The following SHCBP1L variants were observed in gnomAD, a reference collection of about 807,000 sequenced individuals.
The protein encoded by SHCBP1L is testicular spindle-associated protein SHCBP1L.
In SHCBP1L, 67 loss-of-function variants were observed where a neutral mutation model predicts 62.5. The ratio of observed to expected loss-of-function variants is 1.07; its 90% confidence interval spans 0.88 to 1.31. SHCBP1L has a LOEUF of 1.31. Among genes scored for constraint, SHCBP1L ranks in the 40% most tolerant of loss-of-function variants. SHCBP1L has a pLI of 0.00. For missense variants in SHCBP1L, 823 were observed against 809.8 expected (o/e 1.02, Z -0.20); for synonymous variants, 284 against 289.4 (o/e 0.98, Z 0.19).
At chr1:182,906,634 G>A (rs1650022825) in intron 6 of SHCBP1L, among the ~76,000 whole-genome samples, 1 of 151,492 alleles carries the variant, frequency 6.6e-6, no homozygotes, top group African/African-American at 2.4e-5. Flanking sequence ...GTTTCGCCAT[G>A]TTAGCCAGGT....
At chr1:182,903,214 C>T (rs1571333982) in intron 8 of SHCBP1L, 53 bp from the exon 9 acceptor site, 2 of 1,399,600 alleles carry the variant, frequency 1.4e-6, no homozygotes, top group East Asian at 5.1e-5. Flanking sequence ...ACAAACCTCT[C>T]TCCAAAATCT....
rs1304792708 is a variant in SHCBP1L, at chr1:182,924,748, GAA to G, written c.1182+4897_1182+4898del. Among the ~76,000 whole-genome samples, 3 of 81,120 alleles carry G rather than the reference GAA, an allele frequency of 3.7e-5. No homozygotes were observed. In the East Asian group the frequency reaches 1.1e-3, roughly 29 times the overall value. 53.2% of individuals were successfully genotyped at this position (81,120 alleles called of 152,430 possible). A position where few individuals can be genotyped will look rare whatever the true frequency, so the allele number is the denominator to read the frequency against. ...AGAAAGAAAGAAAGAAAGAAAGAAA[GAA>G]AGAAAGAAAGAAAGAAAGAAAGAAA... On this transcript the variant is annotated intron_variant, in intron 6 of 9. Coordinates refer to ENST00000367547, the MANE Select transcript of SHCBP1L (RefSeq NM_030933.4).
chr1:182,952,227 T>TAC (rs1558007624), intron 1 of SHCBP1L, among the ~76,000 whole-genome samples: 8 of 61,938 alleles, frequency 1.3e-4, no homozygotes, highest in African/African-American at 6.4e-4. Flanking sequence ...TATATATATA[T>TAC]ATATATATAC....
chr1:182,935,846 G>A (rs1296070818), intron 5 of SHCBP1L, among the ~76,000 whole-genome samples: 1 of 152,110 alleles, frequency 6.6e-6, no homozygotes, highest in Non-Finnish European at 1.5e-5. Context: ...TAATTAGCAT[G>A]AGCATGAAAT....
At chr1:182,947,491 C>G (rs549238342) in intron 2 of SHCBP1L, among the ~76,000 whole-genome samples, 1 of 152,164 alleles carries the variant, frequency 6.6e-6, no homozygotes, top group East Asian at 1.9e-4. Flanking sequence ...TAAGGATATG[C>G]TAGATTTCCT....
Position 182,904,303 on chromosome 1 carries a change from G to A in SHCBP1L, c.1464C>T (p.Ile488=), listed in dbSNP as rs749194448. 32 of 1,613,860 alleles carry A rather than the reference G, an allele frequency of 2.0e-5. No homozygotes were observed. In the South Asian group the frequency reaches 2.9e-4, roughly 14 times the overall value. The stretch of plus-strand genomic sequence containing the variant: ...TCATGTGACCAGACTCCACCACCAC[G>A]ATACCATCAACCGTCCCTTGTTGTA... ...SLIQQGTVDG[I]VVVESGHMTL... Residue 488 remains isoleucine (I), a synonymous_variant, in exon 8 of 10, where the codon ATC becomes ATT. Coordinates refer to ENST00000367547, the MANE Select transcript of SHCBP1L (RefSeq NM_030933.4).
intron 2 of SHCBP1L, among the ~76,000 whole-genome samples, chr1:182,948,153 G>A (rs189101641): frequency 6.6e-6 from 1 of 152,308 alleles, no homozygotes; most frequent in East Asian, 1.9e-4. Context: ...GTTATACACG[G>A]ATTTTTGACT....
chr1:182,946,608 G>T (rs1392444447), intron 2 of SHCBP1L, among the ~76,000 whole-genome samples: 1 of 151,874 alleles, frequency 6.6e-6, no homozygotes, highest in Non-Finnish European at 1.5e-5. Flanking sequence ...CCTCAATTTG[G>T]CTTCTTAAAT....
At chr1:182,907,436 A>AC (rs1277991158) in intron 6 of SHCBP1L, among the ~76,000 whole-genome samples, 1 of 150,702 alleles carries the variant, frequency 6.6e-6, no homozygotes, top group Non-Finnish European at 1.5e-5. Context: ...TGTCTCAAAA[A>AC]AAAAAAAAAA....
At position 182,936,834 on chromosome 1, in the gene SHCBP1L, A is replaced by T. The variant is rs546205738; in HGVS notation, c.1076+2342T>A. On this transcript the variant is annotated intron_variant, in intron 5 of 9. Transcript: ENST00000367547. ...GAGGTCGAGGTGGGAGGATCACTTG[A>T]GCCCAGGAGTTTGAGATCAGCAAGG... Among the ~76,000 whole-genome samples, 129 of 152,150 alleles carry T rather than the reference A, an allele frequency of 8.5e-4. 1 individual carries two copies. Among genetic ancestry groups the T allele is most frequent in the African/African-American group, 2.8e-3 (117 of 41,508 alleles).
At chr1:182,904,628 C>T (rs765329884) in intron 7 of SHCBP1L, among the ~76,000 whole-genome samples, 198 bp from the exon 8 acceptor site, 35 of 151,918 alleles carry the variant, frequency 2.3e-4, no homozygotes, top group African/African-American at 5.1e-4. Context: ...AGGCTAGTCT[C>T]GAACTCCTGG....
intron 6 of SHCBP1L, among the ~76,000 whole-genome samples, chr1:182,915,530 T>C (rs1029885393): frequency 1.3e-5 from 2 of 152,146 alleles, no homozygotes; most frequent in Non-Finnish European, 2.9e-5. Context: ...CTAGAACATC[T>C]AGACAGAAGA....
chr1:182,924,588 G>A (rs1177703150), intron 6 of SHCBP1L, among the ~76,000 whole-genome samples: 1 of 151,156 alleles, frequency 6.6e-6, no homozygotes, highest in Non-Finnish European at 1.5e-5. Flanking sequence ...GAGCCACCGC[G>A]CCCCGCCAAA....
chr1:182,940,575 T>C (rs368354864), intron 2 of SHCBP1L, 32 bp from the exon 3 acceptor site: 120 of 1,562,034 alleles, frequency 7.7e-5, no homozygotes, highest in Non-Finnish European at 1.0e-4. Context: ...ATAAGAGATA[T>C]AGTTATAAAT....
intron 7 of SHCBP1L, among the ~76,000 whole-genome samples, chr1:182,904,873 A>G (rs943442379): frequency 6.6e-6 from 1 of 152,016 alleles, no homozygotes; most frequent in African/African-American, 2.4e-5. Context: ...CAGCCTCCCA[A>G]GTAACTGGGA....
chr1:182,942,154 C>T (rs934594370), intron 2 of SHCBP1L: 29 of 970,986 alleles, frequency 3.0e-5, no homozygotes, highest in Non-Finnish European at 4.7e-5. Context: ...CTGGACTCTC[C>T]TCAGTTTTCG....
Position 182,942,473 on chromosome 1 carries a change from G to A in SHCBP1L, c.556-1930C>T, listed in dbSNP as rs112072854. 209 of 659,384 alleles carry A rather than the reference G, an allele frequency of 3.2e-4. 1 individual carries two copies. Among genetic ancestry groups the A allele is most frequent in the African/African-American group, 3.2e-3 (175 of 55,362 alleles). The allele number at this position is 659,384 out of a possible 1,614,324, so 40.8% of individuals were successfully genotyped here. A position where few individuals can be genotyped will look rare whatever the true frequency, so the allele number is the denominator to read the frequency against. On this transcript the variant is annotated intron_variant, in intron 2 of 9. Transcript: ENST00000367547. Reference sequence around the variant, plus strand: ...GCGCCGAGAGCCTCCGCGAAACTGGGCTGCCTGGCCGCTGCCACTCCTCCC... The same window carrying A: ...GCGCCGAGAGCCTCCGCGAAACTGGACTGCCTGGCCGCTGCCACTCCTCCC...
chr1:182,924,752 GAA>G (rs1295298446), intron 6 of SHCBP1L, among the ~76,000 whole-genome samples: 56 of 83,026 alleles, frequency 6.7e-4, no homozygotes, highest in Non-Finnish European at 5.4e-4. Flanking sequence ...AAGAAAGAAA[GAA>G]AGAAAGAAAG....
chr1:182,910,466 G>T (rs1245962161), intron 6 of SHCBP1L, among the ~76,000 whole-genome samples: 1 of 152,028 alleles, frequency 6.6e-6, no homozygotes, highest in African/African-American at 2.4e-5. Context: ...TGACAGACTG[G>T]CAAAGAAAGA....
Sources: allele counts gnomAD v4.1 joint callset (sites outside exome capture counted in the v4.1 genomes callset), GRCh38; gene constraint gnomAD v4.1.1; transcripts MANE v1.5; gene names NCBI Gene and HGNC (gene_info 2026-07-23, HGNC 2026-07-21).